The following ROBO2 variants were observed in gnomAD, a reference collection of about 807,000 sequenced individuals.
ROBO2 encodes the protein roundabout homolog 2.
In ROBO2, 53 loss-of-function variants were observed where a neutral mutation model predicts 160.8. The observed-to-expected ratio is 0.33, with a 90% confidence interval of 0.26 to 0.41. ROBO2 has a LOEUF of 0.41. ROBO2 is among the 10% of genes least tolerant of loss of function. The pLI, the probability that ROBO2 is intolerant of heterozygous loss-of-function variation, is 1.00. For synonymous variants in ROBO2, 664 were observed against 611.7 expected, an observed-to-expected ratio of 1.09 and a Z score of -1.26; for missense variants, 1,577 against 1,722.4, an observed-to-expected ratio of 0.92 and a Z score of 1.49.
At chr3:77,603,484 T>C (rs1657388632) in intron 20 of ROBO2, among the ~76,000 whole-genome samples, 2 of 152,138 alleles carry the variant, frequency 1.3e-5, no homozygotes, top group Admixed American at 1.3e-4. Flanking sequence ...GATTTCGAAA[T>C]ACCATATAAT....
At chr3:76,044,944 C>T (rs1010551839) in intron 2 of ROBO2, among the ~76,000 whole-genome samples, 2 of 152,068 alleles carry the variant, frequency 1.3e-5, no homozygotes, top group South Asian at 4.1e-4. Flanking sequence ...TTGAAAAATT[C>T]CTAAGCTGTT....
chr3:76,176,699 A>G (rs1045140000), intron 2 of ROBO2, among the ~76,000 whole-genome samples: 3 of 151,878 alleles, frequency 2.0e-5, no homozygotes, highest in Non-Finnish European at 4.4e-5. Context: ...TATTTTTTGC[A>G]TTTTTTCCTC....
At chr3:76,451,971 G>A (rs1455500033) in intron 2 of ROBO2, among the ~76,000 whole-genome samples, 1 of 152,026 alleles carries the variant, frequency 6.6e-6, no homozygotes, top group Non-Finnish European at 1.5e-5. Flanking sequence ...ATTTATGTTG[G>A]TATGGTTAGT....
At chr3:77,161,416 C>A (rs2078475849) in intron 2 of ROBO2, among the ~76,000 whole-genome samples, 1 of 152,110 alleles carries the variant, frequency 6.6e-6, no homozygotes, top group Non-Finnish European at 1.5e-5. Context: ...ACTCTTCAAG[C>A]AATGTTTGGA....
intron 2 of ROBO2, among the ~76,000 whole-genome samples, chr3:77,008,303 A>G (rs978574873): frequency 2.0e-5 from 3 of 152,174 alleles, no homozygotes; most frequent in African/African-American, 7.2e-5. Context: ...AAGAGAAAAC[A>G]GTTATCTTCT....
At chr3:76,312,955 T>A (rs1332979418) in intron 2 of ROBO2, among the ~76,000 whole-genome samples, 2 of 152,258 alleles carry the variant, frequency 1.3e-5, no homozygotes, top group African/African-American at 4.8e-5. Flanking sequence ...AGATTTCATT[T>A]GTAAATCAAG....
rs192705789 is a variant in ROBO2, at chr3:77,075,794, C to A, written c.62-22220C>A. ...CCCAGGCTCAAGTGATTCTCTTCCT[C>A]AGCCTCCCGAGTAGTTGGGATTACA... On this transcript the variant is annotated intron_variant, in intron 1 of 25. Transcript: ENST00000461745. Among the ~76,000 whole-genome samples the A allele has an allele frequency of 1.9e-4, 29 of 149,872 alleles. No homozygotes were observed. In the East Asian group the frequency reaches 5.6e-3, roughly 29 times the overall value.
intron 2 of ROBO2, among the ~76,000 whole-genome samples, chr3:76,129,825 A>G (rs2071156347): frequency 6.6e-6 from 1 of 151,984 alleles, no homozygotes; most frequent in African/African-American, 2.4e-5. Flanking sequence ...TCAGGGAGTT[A>G]CATCTCGATT....
intron 2 of ROBO2, among the ~76,000 whole-genome samples, chr3:77,133,974 T>A (rs972292480): frequency 6.6e-6 from 1 of 151,994 alleles, no homozygotes; most frequent in Non-Finnish European, 1.5e-5. Flanking sequence ...CATAGAAACA[T>A]AAAAACAATC....
At chr3:77,051,226 C>G (rs1185815745) in intron 1 of ROBO2, among the ~76,000 whole-genome samples, 3 of 152,052 alleles carry the variant, frequency 2.0e-5, no homozygotes, top group African/African-American at 4.8e-5. Flanking sequence ...GATTTGAAAG[C>G]CTGAATAATG....
At chr3:76,570,929 C>G (rs1368421006) in intron 2 of ROBO2, among the ~76,000 whole-genome samples, 1 of 152,018 alleles carries the variant, frequency 6.6e-6, no homozygotes, top group Non-Finnish European at 1.5e-5. Context: ...AATTTTCTTA[C>G]CATTTCATGT....
chr3:76,083,405 A>G (rs2068902155), intron 2 of ROBO2, among the ~76,000 whole-genome samples: 1 of 152,138 alleles, frequency 6.6e-6, no homozygotes, highest in African/African-American at 2.4e-5. Context: ...TGTTATTCCA[A>G]AGTTGCACTG....
intron 2 of ROBO2, among the ~76,000 whole-genome samples, chr3:77,367,024 C>G (rs538108430): frequency 2.6e-5 from 4 of 151,910 alleles, no homozygotes; most frequent in African/African-American, 9.7e-5. Context: ...CAAATTGTAG[C>G]AATACATTGC....
Position 76,738,306 on chromosome 3 carries a change from A to T in ROBO2, c.110-359708A>T, listed in dbSNP as rs148014890. On this transcript the variant is annotated intron_variant, in intron 2 of 26. Coordinates refer to the ROBO2 transcript ENST00000487694. ...TGGGGGAGCCACATAGACAATAAAT[A>T]GGTATTTAAAACAGTGGAATGTTGT... Among the ~76,000 whole-genome samples, 290 of 152,298 alleles carry T rather than the reference A, an allele frequency of 1.9e-3. 3 individuals carry two copies. The highest frequency in any genetic ancestry group is 3.4e-3 in the Middle Eastern group (1 of 294).
At chr3:76,052,983 C>G (rs1031856696) in intron 2 of ROBO2, among the ~76,000 whole-genome samples, 13 of 151,866 alleles carry the variant, frequency 8.6e-5, no homozygotes, top group Non-Finnish European at 1.2e-4. Flanking sequence ...TTTAAAGAAG[C>G]TAGTTTTATG....
intron 2 of ROBO2, among the ~76,000 whole-genome samples, chr3:76,715,755 C>G (rs2093369084): frequency 6.6e-6 from 1 of 152,112 alleles, no homozygotes; most frequent in Admixed American, 6.6e-5. Context: ...AATTTTCTTT[C>G]TTTATGGGCC....
intron 2 of ROBO2, among the ~76,000 whole-genome samples, chr3:77,475,483 T>G (rs963294069): frequency 6.6e-6 from 1 of 152,194 alleles, no homozygotes; most frequent in Non-Finnish European, 1.5e-5. Flanking sequence ...TGATTTGCAA[T>G]GGTATTAGGT....
chr3:76,036,889 A>T (rs2067127564), intron 2 of ROBO2, among the ~76,000 whole-genome samples: 1 of 152,058 alleles, frequency 6.6e-6, no homozygotes, highest in South Asian at 2.1e-4. Flanking sequence ...AAATTAAGAT[A>T]AACCTTTCCA....
chr3:76,105,185 GAAAA>G (rs1202379182), intron 2 of ROBO2, among the ~76,000 whole-genome samples: 1 of 141,574 alleles, frequency 7.1e-6, no homozygotes, highest in African/African-American at 2.6e-5. Flanking sequence ...CCTGTACTTA[GAAAA>G]AAAAAAACAC....
Sources: allele counts gnomAD v4.1 joint callset (sites outside exome capture counted in the v4.1 genomes callset), GRCh38; gene constraint gnomAD v4.1.1; transcripts MANE v1.5; gene names NCBI Gene and HGNC (gene_info 2026-07-23, HGNC 2026-07-21).